Variants in TPX2 observed in about 807,000 individuals in gnomAD.
TPX2 encodes targeting protein for Xklp2.
A neutral mutation model predicts 93.6 loss-of-function variants in TPX2; 21 were observed. The observed-to-expected ratio is 0.22, with a 90% CI of 0.16 to 0.32. The LOEUF is 0.32. Ranked by LOEUF, TPX2 falls within the 10% of genes least tolerant of loss-of-function variation. The pLI is 1.00. For synonymous variants in TPX2, 281 were observed against 298.3 expected, an observed-to-expected ratio of 0.94 and a Z score of 0.60; for missense variants, 776 against 871.1, an observed-to-expected ratio of 0.89 and a Z score of 1.37.
At chr20:31,768,120 G>A (rs2061940395) in intron 5 of TPX2, among the ~76,000 whole-genome samples, 1 of 151,546 alleles carries the variant, frequency 6.6e-6, no homozygotes, top group Non-Finnish European at 1.5e-5. Context: ...TTTTTGTAGA[G>A]ATAGTGTCTT....
chr20:31,785,967 G>A (rs2062063538), intron 12 of TPX2, among the ~76,000 whole-genome samples: 1 of 152,036 alleles, frequency 6.6e-6, no homozygotes, highest in African/African-American at 2.4e-5. Flanking sequence ...AATTTAAAGG[G>A]AACTTTTAAA....
Position 31,798,546 on chromosome 20 carries a change from A to G in TPX2, c.2127A>G (p.Arg709=), listed in dbSNP as rs2062151967. 6.2e-7 allele frequency: 1 copy of G among 1,604,726 alleles called. No individual in the cohort carries two copies. The highest frequency in any genetic ancestry group is 8.5e-7 in the Non-Finnish European group (1 of 1,177,256). The change falls in exon 17 of 18, where the codon AGA becomes AGG. Residue 709 remains arginine, a synonymous_variant. Coordinates refer to ENST00000300403, the MANE Select transcript of TPX2 (RefSeq NM_012112.5). ...AAGAGGAGCTGGCCAGGCTACGGAG[A>G]GAACTGGTAACTGGGAGCATGAGCA... ...QKKEELARLR[R]ELVHKANPIR... is the part of the protein sequence containing the mutation.
chr20:31,798,086 T>C (rs986011103), intron 16 of TPX2, among the ~76,000 whole-genome samples: 3 of 152,234 alleles, frequency 2.0e-5, no homozygotes, highest in African/African-American at 7.2e-5. Context: ...ATCTTTCTTC[T>C]ATGTCTGCCT....
At position 31,762,495 on chromosome 20, in the gene TPX2, G is replaced by A. The variant is rs182664384; in HGVS notation, c.229+2316G>A. 2.2e-3 allele frequency among the ~76,000 whole-genome samples: 334 copies of A among 151,966 alleles called. 4 individuals carry two copies. Among genetic ancestry groups the A allele is most frequent in the African/African-American group, 3.1e-3 (127 of 41,444 alleles). ...CTCCCAAGTAGTTGTGACTACAGGCGCGCACCACCACACCCAGCTAATTTT... is the reference window on the plus strand; with the variant it reads ...CTCCCAAGTAGTTGTGACTACAGGCACGCACCACCACACCCAGCTAATTTT... On this transcript the variant is annotated intron_variant, in intron 4 of 17. Transcript: ENST00000300403.
intron 4 of TPX2, among the ~76,000 whole-genome samples, chr20:31,762,350 C>CTTTA (rs1287817376): frequency 1.2e-4 from 18 of 151,904 alleles, no homozygotes; most frequent in Admixed American, 1.1e-3. Context: ...TATTTTATTA[C>CTTTA]TTTATTTATT....
chr20:31,775,205 C>T (rs895999898), intron 7 of TPX2, among the ~76,000 whole-genome samples: 3 of 152,038 alleles, frequency 2.0e-5, no homozygotes, highest in South Asian at 2.1e-4. Flanking sequence ...GTCATCCACC[C>T]GCCTCGGCCT....
At chr20:31,769,963 A>C (rs1002242676) in intron 5 of TPX2, among the ~76,000 whole-genome samples, 2 of 152,022 alleles carry the variant, frequency 1.3e-5, no homozygotes, top group Non-Finnish European at 2.9e-5. Flanking sequence ...ACGTAGGGCT[A>C]ATTTTTAAAA....
intron 4 of TPX2, among the ~76,000 whole-genome samples, chr20:31,765,239 A>T (rs2061917170): frequency 6.8e-6 from 1 of 146,096 alleles, no homozygotes; most frequent in Non-Finnish European, 1.5e-5. Flanking sequence ...GAGAGGATTG[A>T]TTGAGGCCAG....
intron 16 of TPX2, 59 bp from the exon 17 acceptor site, chr20:31,798,306 G>T: frequency 6.2e-7 from 1 of 1,604,826 alleles, no homozygotes; most frequent in Non-Finnish European, 8.5e-7. Flanking sequence ...CATTCCAGGG[G>T]GCGTAGGTTT....
At chr20:31,754,906 A>G (rs1454029954) in intron 2 of TPX2, among the ~76,000 whole-genome samples, 1 of 152,160 alleles carries the variant, frequency 6.6e-6, no homozygotes, top group Non-Finnish European at 1.5e-5. Context: ...TTGTATATAT[A>G]TGAGGGAGAA....
chr20:31,797,753 G>A (rs530413925), intron 16 of TPX2, among the ~76,000 whole-genome samples: 1 of 152,280 alleles, frequency 6.6e-6, no homozygotes, highest in African/African-American at 2.4e-5. Flanking sequence ...AGAAGCAGCT[G>A]GCATTTCAAC....
At chr20:31,795,436 C>T (rs151294645) in intron 15 of TPX2, among the ~76,000 whole-genome samples, 41 of 152,352 alleles carry the variant, frequency 2.7e-4, no homozygotes, top group South Asian at 2.1e-3. Flanking sequence ...GCCCAATCAA[C>T]TCTTTAAAAA....
intron 4 of TPX2, among the ~76,000 whole-genome samples, chr20:31,764,152 A>G (rs1226010426): frequency 6.7e-6 from 1 of 149,474 alleles, no homozygotes; most frequent in Non-Finnish European, 1.5e-5. Flanking sequence ...GTATGTGTAC[A>G]TACATGTACA....
At chr20:31,788,730 G>C (rs1456168910) in intron 12 of TPX2, among the ~76,000 whole-genome samples, 3 of 152,192 alleles carry the variant, frequency 2.0e-5, no homozygotes, top group Non-Finnish European at 4.4e-5. Flanking sequence ...ACAAAGCCTT[G>C]AGCACGAGGG....
chr20:31,770,167 T>C (rs1258281952), intron 5 of TPX2, among the ~76,000 whole-genome samples, 176 bp from the exon 6 acceptor site: 1 of 152,190 alleles, frequency 6.6e-6, no homozygotes. Context: ...AGAACTAAAA[T>C]GTTATGGTTG....
Position 31,777,484 on chromosome 20 carries a change from C to T in TPX2, c.731-3C>T. The T allele has an allele frequency of 6.2e-7, 1 of 1,613,270 alleles. No individual in the cohort carries two copies. The highest frequency in any genetic ancestry group is 8.5e-7 in the Non-Finnish European group (1 of 1,179,566). ...TGTATGTTTTACTGTGTTCATCTCTCAGGGCAACCTGTGAAGAAATCAGTG... is the reference window on the plus strand; with the variant it reads ...TGTATGTTTTACTGTGTTCATCTCTTAGGGCAACCTGTGAAGAAATCAGTG... On this transcript the variant is annotated splice_region_variant and splice_polypyrimidine_tract_variant and intron_variant, in intron 8 of 17. Coordinates refer to ENST00000300403, the MANE Select transcript of TPX2 (RefSeq NM_012112.5).
chr20:31,767,808 T>A (rs559362355), intron 5 of TPX2, among the ~76,000 whole-genome samples: 2 of 152,080 alleles, frequency 1.3e-5, no homozygotes, highest in African/African-American at 4.8e-5. Context: ...CACCTATGCC[T>A]CCCAAAGTGT....
At chr20:31,800,115 A>G (rs2062161140) in intron 17 of TPX2, among the ~76,000 whole-genome samples, 1 of 152,164 alleles carries the variant, frequency 6.6e-6, no homozygotes, top group Non-Finnish European at 1.5e-5. Flanking sequence ...CTAGACTAGC[A>G]GTTGAAACAG....
intron 12 of TPX2, among the ~76,000 whole-genome samples, chr20:31,789,004 C>G (rs1170307373): frequency 1.3e-5 from 2 of 152,134 alleles, no homozygotes; most frequent in Non-Finnish European, 2.9e-5. Flanking sequence ...GTATTCACCT[C>G]CCCATTCCCA....
Sources: allele counts gnomAD v4.1 joint callset (sites outside exome capture counted in the v4.1 genomes callset), GRCh38; gene constraint gnomAD v4.1.1; transcripts MANE v1.5; gene names NCBI Gene and HGNC (gene_info 2026-07-23, HGNC 2026-07-21).